Variants in CCDC7 observed in about 807,000 individuals in gnomAD.
CCDC7 encodes coiled-coil domain containing 7.
Under a neutral mutation model 196.9 loss-of-function variants are expected in CCDC7, and 183 were observed. The observed-to-expected ratio is 0.93, with a 90% CI of 0.82 to 1.05. The LOEUF is 1.05. CCDC7 is among the 50% of genes least tolerant of loss of function. The pLI, the probability that CCDC7 is intolerant of heterozygous loss-of-function variation, is 0.00. For missense variants in CCDC7, 1,540 were observed against 1,482.2 expected (o/e 1.04, Z -0.64); for synonymous variants, 525 against 484.6 (o/e 1.08, Z -1.10).
intron 16 of CCDC7, among the ~76,000 whole-genome samples, chr10:32,579,577 A>G (rs1002484177): frequency 6.6e-6 from 1 of 152,180 alleles, no homozygotes; most frequent in African/African-American, 2.4e-5. Context: ...TCACTAGGAG[A>G]GCTCACAGCA....
chr10:32,658,678 T>C (rs2070524340), intron 20 of CCDC7, among the ~76,000 whole-genome samples: 1 of 152,186 alleles, frequency 6.6e-6, no homozygotes, highest in East Asian at 1.9e-4. Context: ...TATGTGGCCT[T>C]AAATAAAGAA....
At chr10:32,634,898 A>ACG (rs969784175) in intron 19 of CCDC7, among the ~76,000 whole-genome samples, 159 bp from the exon 21 acceptor site, 1 of 152,198 alleles carries the variant, frequency 6.6e-6, no homozygotes, top group Non-Finnish European at 1.5e-5. Context: ...GCCTCCACAC[A>ACG]TGAGAATTTT....
rs77011951 is a variant in CCDC7 at position 32,766,192 on chromosome 10, C to T, written c.2906-12785C>T. 9.0e-4 allele frequency among the ~76,000 whole-genome samples: 137 copies of T among 152,024 alleles called. 1 individual carries two copies. Among genetic ancestry groups the T allele is most frequent in the African/African-American group, 3.0e-3 (123 of 41,464 alleles). On this transcript the variant is annotated intron_variant, in intron 28 of 41. Transcript: ENST00000639629. ...TGTTTAGAAGTCTAGTGGAATGGGACGTGTCAAGATATTCCTTCTGAAATA... is the reference window on the plus strand; with the variant it reads ...TGTTTAGAAGTCTAGTGGAATGGGATGTGTCAAGATATTCCTTCTGAAATA...
chr10:32,667,239 G>A (rs931001484), intron 21 of CCDC7, among the ~76,000 whole-genome samples: 1 of 152,054 alleles, frequency 6.6e-6, no homozygotes, highest in African/African-American at 2.4e-5. Context: ...TTGTAAATTT[G>A]TTTAAGTTCT....
intron 25 of CCDC7, among the ~76,000 whole-genome samples, chr10:32,725,584 C>T (rs2083002154): frequency 6.6e-6 from 1 of 152,012 alleles, no homozygotes; most frequent in Admixed American, 6.6e-5. Flanking sequence ...AGAAAAGAGG[C>T]TTATTTGGCT....
Position 32,692,520 on chromosome 10 carries a change from G to T in CCDC7, c.2345-2359G>T, listed in dbSNP as rs1263667923. ...GTGGGATGTTGAGTCTCTTGCAATT[G>T]ATCCAGTAGCCTCCCCATCACCCTT... On this transcript the variant is annotated intron_variant, in intron 23 of 41. Coordinates refer to ENST00000639629, the Ensembl canonical transcript of CCDC7. 3.9e-5 allele frequency among the ~76,000 whole-genome samples: 6 copies of T among 152,242 alleles called. No individual in the cohort carries two copies. The East Asian group carries it at 1.2e-3, about 29-fold the overall frequency.
intron 16 of CCDC7, chr10:32,574,289 C>A: frequency 4.3e-6 from 2 of 462,888 alleles, no homozygotes; most frequent in Non-Finnish European, 6.0e-6. Flanking sequence ...CACTTAATAG[C>A]TTTAGGTTAA....
intron 11 of CCDC7, among the ~76,000 whole-genome samples, chr10:32,538,382 T>C (rs530357327): frequency 6.3e-4 from 96 of 152,308 alleles, no homozygotes; most frequent in African/African-American, 2.3e-3. Context: ...GAAGGAGATT[T>C]TGGGCCAAGC....
At chr10:32,547,603 T>G (rs2052687298) in intron 13 of CCDC7, among the ~76,000 whole-genome samples, 2 of 152,156 alleles carry the variant, frequency 1.3e-5, no homozygotes, top group Non-Finnish European at 2.9e-5. Context: ...AAAAAATTTA[T>G]TTTTATTTCT....
chr10:32,664,698 C>T (rs1200606097), intron 21 of CCDC7, among the ~76,000 whole-genome samples: 3 of 151,814 alleles, frequency 2.0e-5, no homozygotes, highest in African/African-American at 4.8e-5. Flanking sequence ...GGGTGATTTT[C>T]GTTATCTATT....
chr10:32,846,043 A>G, intron 36 of CCDC7, 84 bp downstream of exon 37: 1 of 969,946 alleles, frequency 1.0e-6, no homozygotes, highest in Non-Finnish European at 1.6e-6. Flanking sequence ...TTTAATGACA[A>G]CAGTACCTGT....
At chr10:32,690,814 T>A (rs996731899) in intron 23 of CCDC7, among the ~76,000 whole-genome samples, 1 of 152,178 alleles carries the variant, frequency 6.6e-6, no homozygotes, top group Non-Finnish European at 1.5e-5. Flanking sequence ...AAGTGGGGGT[T>A]CACATAGAAA....
At chr10:32,846,787 G>C (rs528092253) in intron 37 of CCDC7, among the ~76,000 whole-genome samples, 1 of 152,208 alleles carries the variant, frequency 6.6e-6, no homozygotes, top group Non-Finnish European at 1.5e-5. Context: ...AAGCAGAAAG[G>C]CAAAAGCACA....
intron 29 of CCDC7, among the ~76,000 whole-genome samples, chr10:32,787,149 G>C (rs1195370887): frequency 6.6e-6 from 1 of 152,042 alleles, no homozygotes; most frequent in Non-Finnish European, 1.5e-5. Context: ...GTGAAGAAAT[G>C]ATGGGTAAAA....
At chr10:32,666,169 G>A (rs1226384721) in intron 21 of CCDC7, among the ~76,000 whole-genome samples, 1 of 136,398 alleles carries the variant, frequency 7.3e-6, no homozygotes, top group African/African-American at 2.7e-5. Flanking sequence ...GTGTTATTTA[G>A]TCCTTGTGGT....
intron 31 of CCDC7, among the ~76,000 whole-genome samples, chr10:32,819,445 A>G (rs1285024314): frequency 6.6e-6 from 1 of 152,172 alleles, no homozygotes; most frequent in African/African-American, 2.4e-5. Flanking sequence ...AAAAGAGGGA[A>G]TCCTCCCTAA....
intron 20 of CCDC7, among the ~76,000 whole-genome samples, chr10:32,644,247 A>C (rs1034580450): frequency 1.3e-5 from 2 of 152,122 alleles, no homozygotes; most frequent in African/African-American, 4.8e-5. Context: ...TATACACTAC[A>C]ATGTTATTTG....
At chr10:32,626,125 T>A (rs1394672810) in intron 18 of CCDC7, among the ~76,000 whole-genome samples, 1 of 152,120 alleles carries the variant, frequency 6.6e-6, no homozygotes, top group East Asian at 1.9e-4. Context: ...CTATTTTTAG[T>A]GTTTTGAGGA....
At chr10:32,621,674 C>T (rs1391899276) in intron 18 of CCDC7, among the ~76,000 whole-genome samples, 3 of 152,084 alleles carry the variant, frequency 2.0e-5, no homozygotes, top group Non-Finnish European at 4.4e-5. Context: ...ATCTGGGAGG[C>T]CATTGGTTTA....
Sources: gnomAD v4.1 joint callset for allele counts (sites outside exome capture counted in the v4.1 genomes callset) on GRCh38, gnomAD v4.1.1 for gene constraint, MANE v1.5 for transcripts, NCBI Gene and HGNC (gene_info 2026-07-23, HGNC 2026-07-21) for gene names.